EFCAB14: variants seen among roughly 807,000 people sequenced by gnomAD.
EFCAB14 encodes EF-hand calcium-binding domain-containing protein 14.
Under a neutral mutation model 56.5 loss-of-function variants are expected in EFCAB14, and 43 were observed. That is an observed-to-expected ratio of 0.76 (90% CI 0.60 to 0.98). The LOEUF is 0.98. Ranked by LOEUF, EFCAB14 falls within the 50% of genes least tolerant of loss-of-function variation. The pLI is 0.00. For synonymous variants in EFCAB14, 235 were observed against 212.9 expected, an observed-to-expected ratio of 1.10 and a Z score of -0.90; for missense variants, 538 against 580.3, an observed-to-expected ratio of 0.93 and a Z score of 0.75.
chr1:46,702,371 G>C (rs1365751993), intron 3 of EFCAB14, among the ~76,000 whole-genome samples: 1 of 152,190 alleles, frequency 6.6e-6, no homozygotes, highest in Non-Finnish European at 1.5e-5. Context: ...TATCCTTTCA[G>C]CTTTATCTAC....
At chr1:46,681,178 C>T (rs750812611) in intron 10 of EFCAB14, among the ~76,000 whole-genome samples, 11 of 152,074 alleles carry the variant, frequency 7.2e-5, no homozygotes, top group East Asian at 3.9e-4. Flanking sequence ...AGGCTGGTCT[C>T]GAACTCCTGA....
chr1:46,707,935 A>G lies in EFCAB14; in HGVS notation c.451T>C (p.Trp151Arg). The G allele has an allele frequency of 2.5e-6, 4 of 1,611,340 alleles. No homozygotes were observed. The highest frequency in any genetic ancestry group is 3.4e-6 in the Non-Finnish European group (4 of 1,179,636). ...TTATTCATTTCTGTGATGTTTATCC[A>G]GACTTTGTTCAAACCCATCTCTCCA... ...ESGEMGLNKV[W>R]INITEMNKQI... Residue 151 changes from tryptophan (W) to arginine (R), a missense_variant, in exon 3 of 11, where the codon TGG becomes CGG. Transcript: ENST00000371933.
chr1:46,695,520 T>C (rs1304743318), intron 4 of EFCAB14, among the ~76,000 whole-genome samples: 6 of 152,240 alleles, frequency 3.9e-5, no homozygotes, highest in African/African-American at 1.4e-4. Flanking sequence ...AAAGAATTCA[T>C]ATGCTCATAG....
rs181059096 is a variant in EFCAB14, at chr1:46,676,225, T to C, written c.*2236A>G. On this transcript the variant is annotated 3_prime_UTR_variant, in exon 11 of 11. Coordinates refer to ENST00000371933, the MANE Select transcript of EFCAB14 (RefSeq NM_014774.3). ...ACAAAAATATTCATAGATCTGAGAA[T>C]GCAGTATAAACACCTCTGCCAAACT... 35 of 152,324 alleles carry C rather than the reference T, an allele frequency of 2.3e-4. 1 individual carries two copies. Among genetic ancestry groups the C allele is most frequent in the Admixed American group, 1.4e-3 (21 of 15,298 alleles). The allele number at this position is 152,324 out of a possible 1,614,324, so 9.4% of individuals were successfully genotyped here. A position where few individuals can be genotyped will look rare whatever the true frequency, so the allele number is the denominator to read the frequency against.
intron 3 of EFCAB14, among the ~76,000 whole-genome samples, chr1:46,706,791 A>C (rs1677239318): frequency 6.6e-6 from 1 of 152,250 alleles, no homozygotes; most frequent in East Asian, 1.9e-4. Context: ...TATTTCATGA[A>C]TAATTTTGAA....
Position 46,677,599 on chromosome 1 carries a change from A to G in EFCAB14, c.*862T>C, listed in dbSNP as rs1254687788. 2.6e-5 allele frequency: 4 copies of G among 152,104 alleles called. No homozygotes were observed. Among genetic ancestry groups the G allele is most frequent in the Non-Finnish European group, 5.9e-5 (4 of 68,026 alleles). 9.4% of individuals were successfully genotyped at this position (152,104 alleles called of 1,614,324 possible). ...GACAGACTTAAGTGGGTGGGTGGGG[A>G]AGGCAATCTAGCTCACTCAGCAGGG... On this transcript the variant is annotated 3_prime_UTR_variant, in exon 11 of 11. Coordinates refer to ENST00000371933, the MANE Select transcript of EFCAB14 (RefSeq NM_014774.3).
Position 46,678,259 on chromosome 1 carries a change from T to C in EFCAB14, c.*202A>G, listed in dbSNP as rs1676727257. On this transcript the variant is annotated 3_prime_UTR_variant, in exon 11 of 11. Coordinates refer to ENST00000371933, the MANE Select transcript of EFCAB14 (RefSeq NM_014774.3). ...AGATCTTACTGGTTGTAGGAAATCA[T>C]AGATTTCTGAACATCATAAGTAAAA... The C allele has an allele frequency of 6.7e-6, 3 of 450,444 alleles. No individual in the cohort carries two copies. Among genetic ancestry groups the C allele is most frequent in the Admixed American group, 4.2e-5 (1 of 23,566 alleles). 27.9% of individuals were successfully genotyped at this position (450,444 alleles called of 1,614,324 possible).
intron 7 of EFCAB14, 133 bp from the exon 8 acceptor site, chr1:46,687,003 G>GTAACAGCAAAATA: frequency 1.3e-6 from 1 of 789,124 alleles, no homozygotes; most frequent in Non-Finnish European, 2.0e-6. Context: ...AACAGAAATT[G>GTAACAGCAAAATA]CAGAGGAGTG....
rs916747556 is a variant in EFCAB14 at position 46,716,383 on chromosome 1, A to C, written c.246T>G (p.Ala82=). Residue 82 remains alanine, a synonymous_variant, in exon 2 of 11, where the codon GCT becomes GCG. Coordinates refer to ENST00000371933, the MANE Select transcript of EFCAB14 (RefSeq NM_014774.3). ...AGCCAACACAGGCCACAACACAGGC[A>C]GCAAGGATGACAAAACCACAGAGCG... The part of the protein sequence containing the change: ...CYPLCGFVIL[A]ACVVACVGLV... The C allele has an allele frequency of 2.5e-6, 4 of 1,614,090 alleles. No homozygotes were observed. The highest frequency in any genetic ancestry group is 3.4e-6 in the Non-Finnish European group (4 of 1,179,988).
intron 2 of EFCAB14, among the ~76,000 whole-genome samples, chr1:46,713,558 A>G (rs1054131736): frequency 1.3e-5 from 2 of 152,230 alleles, no homozygotes; most frequent in African/African-American, 4.8e-5. Context: ...AAATTACCTG[A>G]AAAGCTCAGC....
intron 4 of EFCAB14, 92 bp from the exon 5 acceptor site, chr1:46,692,029 T>C: frequency 1.1e-6 from 1 of 890,054 alleles, no homozygotes; most frequent in South Asian, 1.8e-5. Flanking sequence ...ATAATTTGAA[T>C]GTTTTGACAC....
chr1:46,704,983 G>C (rs755309212), intron 3 of EFCAB14, among the ~76,000 whole-genome samples: 1 of 150,320 alleles, frequency 6.7e-6, no homozygotes. Flanking sequence ...CTTCTTGTTT[G>C]AGCCAGTTTG....
chr1:46,675,390 A>T lies in EFCAB14; in HGVS notation c.*3071T>A, dbSNP rs991617576. The T allele has an allele frequency of 6.6e-6, 1 of 152,652 alleles. No homozygotes were observed. The highest frequency in any genetic ancestry group is 1.5e-5 in the Non-Finnish European group (1 of 68,036). The allele number at this position is 152,652 out of a possible 1,614,324, so 9.5% of individuals were successfully genotyped here. ...TCGTATAACAAACAATACACGCTCTATAAAGTCTCAGGAATACCCAAATGT... is the reference window on the plus strand; with the variant it reads ...TCGTATAACAAACAATACACGCTCTTTAAAGTCTCAGGAATACCCAAATGT... On this transcript the variant is annotated 3_prime_UTR_variant, in exon 11 of 11. Transcript: ENST00000371933.
At position 46,718,897 on chromosome 1, in the gene EFCAB14, G is replaced by C. The variant is rs8851; in HGVS notation, c.-810C>G. On this transcript the variant is annotated 5_prime_UTR_variant, in exon 1 of 11. Coordinates refer to ENST00000371933, the MANE Select transcript of EFCAB14 (RefSeq NM_014774.3). ...TGCCGCGGGCGACGGCGGCTCGGCC[G>C]ACCGAAAGCGCTCCCGCCCGGAGTT... The C allele has an allele frequency of 0.24, 37,264 of 152,366 alleles. 4,919 individuals carry two copies. The highest frequency in any genetic ancestry group is 0.35 in the East Asian group (1,792 of 5,132). 9.4% of individuals were successfully genotyped at this position (152,366 alleles called of 1,614,324 possible).
chr1:46,701,557 G>T (rs941769813), intron 3 of EFCAB14, among the ~76,000 whole-genome samples: 1 of 152,224 alleles, frequency 6.6e-6, no homozygotes, highest in Non-Finnish European at 1.5e-5. Flanking sequence ...TGGCTAATCA[G>T]AAGTATCTCG....
In EFCAB14 at chr1:46,700,891, T is replaced by C. The variant is rs188491175; in HGVS notation, c.481-4242A>G. Among the ~76,000 whole-genome samples, 91 of 152,110 alleles carry C rather than the reference T, an allele frequency of 6.0e-4. 1 individual carries two copies. The highest frequency in any genetic ancestry group is 2.2e-3 in the African/African-American group (90 of 41,480). On this transcript the variant is annotated intron_variant, in intron 3 of 10. Transcript: ENST00000371933. ...GGCTAATTCATACTAAAAACTATTA[T>C]GATTTTGTAAATAGAGAACTAGGAG...
intron 3 of EFCAB14, among the ~76,000 whole-genome samples, chr1:46,699,934 T>A (rs900312254): frequency 3.3e-5 from 5 of 152,180 alleles, no homozygotes; most frequent in African/African-American, 4.8e-5. Context: ...GCTGCCATGC[T>A]GTGAGGACAC....
At position 46,676,792 on chromosome 1, in the gene EFCAB14, C is replaced by T. The variant is rs188799816; in HGVS notation, c.*1669G>A. 86 of 152,468 alleles carry T rather than the reference C, an allele frequency of 5.6e-4. No homozygotes were observed. Among genetic ancestry groups the T allele is most frequent in the African/African-American group, 2.0e-3 (82 of 41,472 alleles). The allele number at this position is 152,468 out of a possible 1,614,324, so 9.4% of individuals were successfully genotyped here. A position where few individuals can be genotyped will look rare whatever the true frequency, so the allele number is the denominator to read the frequency against. Reference sequence around the variant, plus strand: ...GGGACACATTCATGGGAAAAGACTTCATCTTGCTTTAACTAAATTTTAATA... The same window carrying T: ...GGGACACATTCATGGGAAAAGACTTTATCTTGCTTTAACTAAATTTTAATA... On this transcript the variant is annotated 3_prime_UTR_variant, in exon 11 of 11. Transcript: ENST00000371933.
At position 46,676,749 on chromosome 1, in the gene EFCAB14, A is replaced by G. The variant is rs1232196727; in HGVS notation, c.*1712T>C. On this transcript the variant is annotated 3_prime_UTR_variant, in exon 11 of 11. Coordinates refer to ENST00000371933, the MANE Select transcript of EFCAB14 (RefSeq NM_014774.3). ...TTTCCAAGAAAGTGAAACTGAGCATAAGCTATAATGAGATAAGGGGACACA... is the reference window on the plus strand; with the variant it reads ...TTTCCAAGAAAGTGAAACTGAGCATGAGCTATAATGAGATAAGGGGACACA... 6.6e-6 allele frequency: 1 copy of G among 152,618 alleles called. No homozygotes were observed. Among genetic ancestry groups the G allele is most frequent in the Non-Finnish European group, 1.5e-5 (1 of 68,044 alleles). 9.5% of individuals were successfully genotyped at this position (152,618 alleles called of 1,614,324 possible).
Sources: allele counts gnomAD v4.1 joint callset (sites outside exome capture counted in the v4.1 genomes callset), GRCh38; gene constraint gnomAD v4.1.1; transcripts MANE v1.5; gene names NCBI Gene and HGNC (gene_info 2026-07-23, HGNC 2026-07-21).